SSR1: variants seen among roughly 807,000 people sequenced by gnomAD.
The protein encoded by SSR1 is translocon-associated protein subunit alpha.
Under a neutral mutation model 36.1 loss-of-function variants are expected in SSR1, and 13 were observed. The observed-to-expected ratio is 0.36, with a 90% CI of 0.23 to 0.57. The LOEUF (loss-of-function observed/expected upper bound fraction) is 0.57, where lower values mean the gene tolerates loss of function less well. Ranked by LOEUF, SSR1 falls within the 20% of genes least tolerant of loss-of-function variation. The pLI is 0.81. For synonymous variants in SSR1, 113 were observed against 118.9 expected, an observed-to-expected ratio of 0.95 and a Z score of 0.32; for missense variants, 291 against 338.5, an observed-to-expected ratio of 0.86 and a Z score of 1.10.
At chr6:7,304,477 A>C (rs548037044) in intron 2 of SSR1, among the ~76,000 whole-genome samples, 3 of 152,296 alleles carry the variant, frequency 2.0e-5, no homozygotes, top group Non-Finnish European at 2.9e-5. Context: ...TAATTAACAA[A>C]ATTTTCCTGT....
chr6:7,312,943 G>T, intron 1 of SSR1, 99 bp downstream of exon 1: 1 of 1,218,538 alleles, frequency 8.2e-7, no homozygotes, highest in Non-Finnish European at 1.2e-6. Flanking sequence ...GGTGGACGCG[G>T]ACCCCAGGAC....
intron 6 of SSR1, chr6:7,296,761 A>T (rs1561831109): frequency 6.6e-6 from 1 of 152,242 alleles, no homozygotes; most frequent in Non-Finnish European, 1.5e-5. Context: ...AGGATGTGGT[A>T]GGGAATGAAT....
At chr6:7,304,010 C>T (rs1427269999) in intron 2 of SSR1, among the ~76,000 whole-genome samples, 1 of 152,182 alleles carries the variant, frequency 6.6e-6, no homozygotes, top group Non-Finnish European at 1.5e-5. Flanking sequence ...AGAAATATTG[C>T]TTCTCTACAG....
intron 6 of SSR1, among the ~76,000 whole-genome samples, chr6:7,295,691 C>G (rs1371034477): frequency 1.3e-5 from 2 of 152,138 alleles, no homozygotes; most frequent in East Asian, 3.8e-4. Flanking sequence ...TTTTAAAACA[C>G]CTATCAAATT....
intron 2 of SSR1, among the ~76,000 whole-genome samples, chr6:7,307,801 C>T (rs57672943): frequency 0.091 from 13,785 of 152,286 alleles, 971 homozygotes; most frequent in East Asian, 0.32. Context: ...GCTGGGATTA[C>T]AGGCGTGCCT....
intron 4 of SSR1, 109 bp downstream of exon 4, chr6:7,301,201 G>A (rs757688189): frequency 4.6e-5 from 63 of 1,362,060 alleles, no homozygotes; most frequent in African/African-American, 5.8e-5. Flanking sequence ...GGCTATCACA[G>A]GTTCAACCAC....
chr6:7,297,366 C>G (rs1757823625), intron 6 of SSR1, among the ~76,000 whole-genome samples: 1 of 151,964 alleles, frequency 6.6e-6, no homozygotes, highest in African/African-American at 2.4e-5. Flanking sequence ...AGCTACAATA[C>G]CAATCCAAAG....
Position 7,298,782 on chromosome 6 carries a change from T to G in SSR1, c.585A>C (p.Thr195=). 2 of 1,613,480 alleles carry G rather than the reference T, an allele frequency of 1.2e-6. No individual in the cohort carries two copies. The stretch of plus-strand genomic sequence containing the variant: ...CTAACCCATCCTCTCTTTCAATAAC[T>G]GTAACTGTTTGATTGAAGACTGCAT... ...FQDAVFNQTV[T]VIEREDGLDG... is the part of the protein sequence containing the mutation. Residue 195 remains threonine (T), a synonymous_variant, in exon 5 of 8, where the codon ACA becomes ACC. Transcript: ENST00000244763.
intron 5 of SSR1, among the ~76,000 whole-genome samples, chr6:7,298,340 T>C (rs926131079): frequency 1.3e-5 from 2 of 152,250 alleles, no homozygotes; most frequent in Non-Finnish European, 2.9e-5. Context: ...AAGTGAATTA[T>C]ATATAAGTTT....
intron 7 of SSR1, among the ~76,000 whole-genome samples, chr6:7,290,703 G>A (rs1344404755): frequency 1.3e-5 from 2 of 151,514 alleles, no homozygotes; most frequent in Non-Finnish European, 2.9e-5. Flanking sequence ...TTTGTATACT[G>A]TAGAATAAGT....
At chr6:7,301,267 T>C in intron 4 of SSR1, 43 bp downstream of exon 4, 1 of 1,594,786 alleles carries the variant, frequency 6.3e-7, no homozygotes, top group Non-Finnish European at 8.5e-7. Context: ...ACCGCCCCCA[T>C]CCATCTCTAA....
intron 3 of SSR1, among the ~76,000 whole-genome samples, chr6:7,303,348 G>C (rs1001793314): frequency 6.6e-6 from 1 of 151,996 alleles, no homozygotes; most frequent in Non-Finnish European, 1.5e-5. Flanking sequence ...CTTTGAAAAG[G>C]ACAGTCAATT....
chr6:7,294,690 C>CAAATAAATAAATAAAT (rs60987991), intron 7 of SSR1, among the ~76,000 whole-genome samples: 79 of 150,488 alleles, frequency 5.2e-4, no homozygotes, highest in African/African-American at 1.4e-3. Context: ...GATTCCATCT[C>CAAATAAATAAATAAAT]AAATAAATAA....
rs1021773666 is a variant in SSR1, at chr6:7,288,661, G to C, written c.*1203C>G. On this transcript the variant is annotated 3_prime_UTR_variant, in exon 8 of 8. Coordinates refer to ENST00000244763, the MANE Select transcript of SSR1 (RefSeq NM_003144.5). Reference sequence around the variant, plus strand: ...ACAAGAGGGGGAGAGCCTCTTAATTGTTCATACTATTTTACTTCACCCTCC... The same window carrying C: ...ACAAGAGGGGGAGAGCCTCTTAATTCTTCATACTATTTTACTTCACCCTCC... The C allele has an allele frequency of 6.6e-6, 1 of 152,514 alleles. No individual in the cohort carries two copies. Among genetic ancestry groups the C allele is most frequent in the Non-Finnish European group, 1.5e-5 (1 of 68,004 alleles). 9.4% of individuals were successfully genotyped at this position (152,514 alleles called of 1,614,324 possible). A position where few individuals can be genotyped will look rare whatever the true frequency, so the allele number is the denominator to read the frequency against.
chr6:7,288,133 A>G lies in SSR1; in HGVS notation c.*1731T>C, dbSNP rs1230948858. On this transcript the variant is annotated 3_prime_UTR_variant, in exon 8 of 8. Transcript: ENST00000244763. ...CCATTTACATTTCGTAAATTCTGTA[A>G]TTACACCTTACTGTATCATGCCCTA... The G allele has an allele frequency of 6.6e-6, 1 of 152,188 alleles. No individual in the cohort carries two copies. The highest frequency in any genetic ancestry group is 1.9e-4 in the East Asian group (1 of 5,200). 9.4% of individuals were successfully genotyped at this position (152,188 alleles called of 1,614,324 possible).
intron 1 of SSR1, 27 bp downstream of exon 1, chr6:7,313,014 TC>T: frequency 6.3e-7 from 1 of 1,576,462 alleles, no homozygotes. Context: ...TTCCTGGCCA[TC>T]CCCTCCGCAC....
Position 7,283,405 on chromosome 6 carries a change from C to A in SSR1, c.*6459G>T, listed in dbSNP as rs1320145734. 1 of 152,416 alleles carries A rather than the reference C, an allele frequency of 6.6e-6. No individual in the cohort carries two copies. Among genetic ancestry groups the A allele is most frequent in the African/African-American group, 2.4e-5 (1 of 41,466 alleles). 9.4% of individuals were successfully genotyped at this position (152,416 alleles called of 1,614,324 possible). A position where few individuals can be genotyped will look rare whatever the true frequency, so the allele number is the denominator to read the frequency against. On this transcript the variant is annotated 3_prime_UTR_variant, in exon 8 of 8. Coordinates refer to ENST00000244763, the MANE Select transcript of SSR1 (RefSeq NM_003144.5). ...GGGATTACAGGCATGCACCACCACACCTGGCTAATTTTTGTATTTTTAGTA... is the reference window on the plus strand; with the variant it reads ...GGGATTACAGGCATGCACCACCACAACTGGCTAATTTTTGTATTTTTAGTA...
In SSR1 at chr6:7,295,448, G is replaced by T; in HGVS notation, c.737C>A (p.Ser246Ter). ...RPIQKVEMGT[S>*]SQNDVDMSWI... ...ACTCATGTCAACATCATTCTGACTT[G>T]ATGTACCCATTTCTACTTTCTGTAT... The change falls in exon 7 of 8, where the codon TCA (serine) becomes TAA (stop). Residue 246 changes from serine to a stop codon, truncating the protein, a stop_gained. Coordinates refer to ENST00000244763, the MANE Select transcript of SSR1 (RefSeq NM_003144.5). LOFTEE classifies it high-confidence loss of function. 6.2e-7 allele frequency: 1 copy of T among 1,611,256 alleles called. No homozygotes were observed. Among genetic ancestry groups the T allele is most frequent in the Non-Finnish European group, 8.5e-7 (1 of 1,179,116 alleles).
At chr6:7,294,472 G>T (rs2113278318) in intron 7 of SSR1, among the ~76,000 whole-genome samples, 1 of 152,316 alleles carries the variant, frequency 6.6e-6, no homozygotes, top group South Asian at 2.1e-4. Context: ...CGGATCACTT[G>T]AGGTCAGGAG....
Sources: allele counts gnomAD v4.1 joint callset (sites outside exome capture counted in the v4.1 genomes callset), GRCh38; gene constraint gnomAD v4.1.1; transcripts MANE v1.5; gene names NCBI Gene and HGNC (gene_info 2026-07-23, HGNC 2026-07-21).